The following ASCC2 variants were observed in gnomAD, a reference collection of about 807,000 sequenced individuals.
ASCC2 encodes the protein ASC-1 complex subunit P100.
ASCC2 carries 42 observed loss-of-function variants against 93.5 expected under a neutral mutation model. That is an observed-to-expected ratio of 0.45 (90% CI 0.35 to 0.58). ASCC2 has a LOEUF of 0.58. Among genes scored for constraint, ASCC2 ranks in the 20% least tolerant of loss-of-function variants. The pLI is 0.00. For missense variants in ASCC2, 859 were observed against 977.6 expected, an observed-to-expected ratio of 0.88 and a Z score of 1.62; for synonymous variants, 364 against 384.2, an observed-to-expected ratio of 0.95 and a Z score of 0.62.
At chr22:29,804,958 T>C (rs953742277) in intron 12 of ASCC2, 128 bp from the exon 13 acceptor site, 11 of 969,874 alleles carry the variant, frequency 1.1e-5, no homozygotes, top group African/African-American at 3.3e-5. Flanking sequence ...CTAAGTGGTA[T>C]AGCCCACGGG....
intron 2 of ASCC2, among the ~76,000 whole-genome samples, chr22:29,830,128 T>A (rs2062943823): frequency 6.6e-6 from 1 of 152,170 alleles, no homozygotes; most frequent in South Asian, 2.1e-4. Flanking sequence ...GTGCTGCTGT[T>A]GTTGTCCCTG....
At chr22:29,796,335 T>C (rs1298831640) in intron 15 of ASCC2, among the ~76,000 whole-genome samples, 1 of 152,076 alleles carries the variant, frequency 6.6e-6, no homozygotes, top group Non-Finnish European at 1.5e-5. Flanking sequence ...GGGCAGGGTA[T>C]GAGGCTGAGT....
At position 29,825,807 on chromosome 22, in the gene ASCC2, C is replaced by A. The variant is rs965768821; in HGVS notation, c.82-27G>T. On this transcript the variant is annotated intron_variant, in intron 2 of 19. Transcript: ENST00000307790. The surrounding 1 kb of genome is among the most constrained non-coding windows in gnomAD (Gnocchi z 4.9). ...TACGGATCCAAAAACCACGTGTTAACGTGGCAGAGGTTAGTCAGCGAGGGC... is the reference window on the plus strand; with the variant it reads ...TACGGATCCAAAAACCACGTGTTAAAGTGGCAGAGGTTAGTCAGCGAGGGC... The A allele has an allele frequency of 1.3e-6, 2 of 1,589,698 alleles. No homozygotes were observed. Among genetic ancestry groups the A allele is most frequent in the East Asian group, 2.2e-5 (1 of 44,510 alleles).
At chr22:29,808,042 AG>A in intron 9 of ASCC2, 68 bp downstream of exon 9, 1 of 1,520,276 alleles carries the variant, frequency 6.6e-7, no homozygotes, top group African/African-American at 1.4e-5. Flanking sequence ...GCTAATGCCC[AG>A]GGAAGGCAGG....
At chr22:29,793,813 G>C in intron 15 of ASCC2, 137 bp from the exon 16 acceptor site, 2 of 832,214 alleles carry the variant, frequency 2.4e-6, no homozygotes, top group Non-Finnish European at 3.7e-6. Context: ...TCAAGCATTG[G>C]TGAGGGCGTG....
At chr22:29,813,595 C>A in intron 7 of ASCC2, 53 bp from the exon 8 acceptor site, 1 of 1,191,762 alleles carries the variant, frequency 8.4e-7, no homozygotes, top group Non-Finnish European at 1.2e-6. Context: ...ACATACAGAT[C>A]TGCAGAGCAC....
At chr22:29,810,326 C>T (rs2060140527) in intron 8 of ASCC2, 1 of 152,196 alleles carries the variant, frequency 6.6e-6, no homozygotes, top group African/African-American at 2.4e-5. Flanking sequence ...CTTAAGCTTC[C>T]CAAAGCCGGA....
rs776212441 is a variant in ASCC2 at position 29,807,665 on chromosome 22, A to AT, written c.908+445dup. Among the ~76,000 whole-genome samples, 100 of 151,662 alleles carry AT rather than the reference A, an allele frequency of 6.6e-4. 1 individual carries two copies. The highest frequency in any genetic ancestry group is 1.2e-3 in the Non-Finnish European group (81 of 67,986). On this transcript the variant is annotated intron_variant, in intron 9 of 19. Transcript: ENST00000307790. ...TCATACAAGTCTACAGAGAACATAT[A>AT]TTTTTTTTAATATGCTAAGAGTTTA...
In ASCC2 at chr22:29,793,656, G is replaced by C. The variant is rs926451736; in HGVS notation, c.1709C>G (p.Thr570Arg). 1.3e-6 allele frequency: 2 copies of C among 1,577,210 alleles called. No individual in the cohort carries two copies. The highest frequency in any genetic ancestry group is 3.7e-5 in the Admixed American group (2 of 53,998). The change falls in exon 16 of 20, where the codon ACG (threonine) becomes AGG (arginine). Residue 570 changes from threonine to arginine, a missense_variant. By Grantham distance (71) the Thr-to-Arg change is moderately conservative (BLOSUM62 -1). Coordinates refer to ENST00000307790, the MANE Select transcript of ASCC2 (RefSeq NM_032204.5). ...KGKSTRKEEN[T>R]RSLLNDKRAV... ...ACGCTTGTCGTTCAGCAAACTCCGCGTGTTTTCCTCCTTCCTGGTGCTGAG... is the reference window on the plus strand; with the variant it reads ...ACGCTTGTCGTTCAGCAAACTCCGCCTGTTTTCCTCCTTCCTGGTGCTGAG...
chr22:29,804,724 G>C lies in ASCC2; in HGVS notation c.1267C>G (p.Pro423Ala), dbSNP rs36571. The C allele has an allele frequency of 4.3e-6, 7 of 1,613,958 alleles. No individual in the cohort carries two copies. The Admixed American group carries it at 1.2e-4, about 27-fold the overall frequency. The change falls in exon 13 of 20, where the codon CCT (proline) becomes GCT (alanine). Residue 423 changes from proline (P) to alanine (A), a missense_variant. Pro to Ala is a conservative substitution (Grantham distance 27). Coordinates refer to ENST00000307790, the MANE Select transcript of ASCC2 (RefSeq NM_032204.5). ...GTGACCCCGTTAGGCTCCCCATTAG[G>C]CTCCTCAATCACCGATGGGTCTTTA... ...DAKDPSVIEE[P>A]NGEPNGVTVT... is the part of the protein sequence containing the mutation.
intron 15 of ASCC2, among the ~76,000 whole-genome samples, chr22:29,800,561 T>C (rs747809869): frequency 2.6e-5 from 4 of 152,114 alleles, no homozygotes; most frequent in Non-Finnish European, 5.9e-5. Flanking sequence ...TAAAAATAAA[T>C]AGAAAGGCCT....
At chr22:29,827,551 AC>A (rs1252520794) in intron 2 of ASCC2, 7 of 470,440 alleles carry the variant, frequency 1.5e-5, no homozygotes, top group African/African-American at 4.0e-5. Context: ...GGTCTGCAGG[AC>A]CCCCTCCCAT....
intron 18 of ASCC2, among the ~76,000 whole-genome samples, chr22:29,791,495 C>T (rs920999713): frequency 5.9e-5 from 9 of 152,156 alleles, no homozygotes; most frequent in Non-Finnish European, 1.0e-4. Context: ...GCCTGGCCAA[C>T]ATGGTGAAAC....
intron 8 of ASCC2, among the ~76,000 whole-genome samples, chr22:29,811,410 C>T (rs973097855): frequency 1.3e-5 from 2 of 152,084 alleles, no homozygotes; most frequent in Admixed American, 1.3e-4. Context: ...AGTTTTGAAC[C>T]ATGTGAATGT....
chr22:29,826,309 C>T (rs1194113798), intron 2 of ASCC2, among the ~76,000 whole-genome samples: 4 of 151,082 alleles, frequency 2.6e-5, no homozygotes, highest in Non-Finnish European at 5.9e-5. Flanking sequence ...TCATATATTA[C>T]TTTTGTTTTG....
In ASCC2 at chr22:29,827,830, C is replaced by CAT. The variant is rs1180268214; in HGVS notation, c.82-2052_82-2051dup. Among the ~76,000 whole-genome samples the CAT allele has an allele frequency of 1.5e-5, 2 of 131,124 alleles. 1 individual carries two copies. Among genetic ancestry groups the CAT allele is most frequent in the East Asian group, 5.0e-4 (2 of 3,988 alleles). 86.0% of individuals were successfully genotyped at this position (131,124 alleles called of 152,430 possible). A position where few individuals can be genotyped will look rare whatever the true frequency, so the allele number is the denominator to read the frequency against. On this transcript the variant is annotated intron_variant, in intron 2 of 19. Coordinates refer to ENST00000307790, the MANE Select transcript of ASCC2 (RefSeq NM_032204.5). The stretch of plus-strand genomic sequence containing the variant: ...ATTCTGACACACACACACACACACA[C>CAT]ATACACCCAGACTACTCATTCTCCT...
At position 29,813,431 on chromosome 22, in the gene ASCC2, T is replaced by C; in HGVS notation, c.832A>G (p.Arg278Gly). 1 of 1,602,404 alleles carries C rather than the reference T, an allele frequency of 6.2e-7. No homozygotes were observed. Among genetic ancestry groups the C allele is most frequent in the Non-Finnish European group, 8.6e-7 (1 of 1,169,294 alleles). The part of the protein sequence containing the change: ...QTFQKHDFCY[R>G]LASFYEAAIP... ...CAACAGCCAGAACTACCGCCTTACC[T>C]GTAACAAAAGTCGTGCTTCTGGAAG... Residue 278 changes from arginine to glycine, a missense_variant and splice_region_variant, in exon 8 of 20, where the codon AGA becomes GGA. Physicochemically the swap from Arg to Gly is moderately radical, Grantham distance 125 (BLOSUM62 -2). Transcript: ENST00000307790.
chr22:29,797,238 A>T (rs139218075), intron 15 of ASCC2, among the ~76,000 whole-genome samples: 8 of 152,340 alleles, frequency 5.3e-5, no homozygotes, highest in Non-Finnish European at 7.4e-5. Context: ...TCAGCCTCCA[A>T]GATGGGAGCA....
intron 8 of ASCC2, among the ~76,000 whole-genome samples, chr22:29,808,806 T>G: frequency 7.8e-6 from 1 of 128,884 alleles, no homozygotes. Flanking sequence ...TGAGACCCTA[T>G]CTCAAAAAAA....
Sources: gnomAD v4.1 joint callset for allele counts (sites outside exome capture counted in the v4.1 genomes callset) on GRCh38, gnomAD v4.1.1 for gene constraint, Gnocchi (gnomAD v3.1) non-coding constraint, MANE v1.5 for transcripts, NCBI Gene and HGNC (gene_info 2026-07-23, HGNC 2026-07-21) for gene names.